Variants in ESRRG observed in about 807,000 individuals in gnomAD.
The protein encoded by ESRRG is estrogen-related receptor gamma.
A neutral mutation model predicts 44.0 loss-of-function variants in ESRRG; 13 were observed. The observed-to-expected ratio is 0.30, with a 90% confidence interval of 0.19 to 0.47. The LOEUF (loss-of-function observed/expected upper bound fraction) is 0.47, where lower values mean the gene tolerates loss of function less well. ESRRG is among the 20% of genes least tolerant of loss of function. ESRRG has a pLI of 1.00. For missense variants in ESRRG, 395 were observed against 580.6 expected, an observed-to-expected ratio of 0.68 and a Z score of 3.29; for synonymous variants, 215 against 214.6, an observed-to-expected ratio of 1.00 and a Z score of -0.02.
At chr1:216,737,007 C>T (rs2090035452) in intron 2 of ESRRG, among the ~76,000 whole-genome samples, 2 of 152,172 alleles carry the variant, frequency 1.3e-5, no homozygotes, top group African/African-American at 4.8e-5. Context: ...GTTTTTTAAA[C>T]TTCATGTTTC....
chr1:217,101,420 T>C lies in ESRRG; in HGVS notation c.-230+36247A>G, dbSNP rs139727354. ...CAGTTATTATTTTTGACACATGTGT[T>C]AATGATCCTTAAATCATTAATTCTA... is the stretch of plus-strand genomic sequence containing the variant. On this transcript the variant is annotated intron_variant, in intron 1 of 8. Transcript: ENST00000366940. 2.0e-5 allele frequency among the ~76,000 whole-genome samples: 3 copies of C among 152,240 alleles called. No individual in the cohort carries two copies. The East Asian group carries it at 5.8e-4, about 29-fold the overall frequency.
intron 1 of ESRRG, among the ~76,000 whole-genome samples, chr1:217,136,939 A>C (rs979436176): frequency 6.6e-6 from 1 of 152,134 alleles, no homozygotes; most frequent in African/African-American, 2.4e-5. Context: ...GACGCCAGGT[A>C]CCGGGAGAGG....
chr1:216,916,667 T>C (rs147894108), intron 2 of ESRRG, among the ~76,000 whole-genome samples: 1 of 151,984 alleles, frequency 6.6e-6, no homozygotes, highest in Non-Finnish European at 1.5e-5. Context: ...CATTTTCTTT[T>C]TCAGAATTCA....
rs914476589 is a variant in ESRRG at position 217,056,798 on chromosome 1, A to G, written c.-106+32709T>C. 4.6e-5 allele frequency among the ~76,000 whole-genome samples: 7 copies of G among 151,648 alleles called. 1 individual carries two copies. The East Asian group carries it at 1.4e-3, about 29-fold the overall frequency. On this transcript the variant is annotated intron_variant, in intron 1 of 7. Coordinates refer to the ESRRG transcript ENST00000359162. The stretch of plus-strand genomic sequence containing the variant: ...AAAGTTTCCTCTTGAACCCCAAAAT[A>G]CCAGTTAATGGGGCAAACCACCAAC...
rs796363914 is a variant in ESRRG, at chr1:216,506,728, G to C, written c.*211C>G. 7.7e-6 allele frequency: 5 copies of C among 646,936 alleles called. No homozygotes were observed. In the African/African-American group the frequency reaches 9.2e-5, roughly 12 times the overall value. 40.1% of individuals were successfully genotyped at this position (646,936 alleles called of 1,614,324 possible). On this transcript the variant is annotated 3_prime_UTR_variant, in exon 7 of 7. Transcript: ENST00000408911. ...AGAGAAAGAGAAATGTGGGAAGAAA[G>C]AGGAAAGAAGATGATGGAGAAAGTA...
chr1:216,641,175 C>CTCTG (rs2066345544), intron 3 of ESRRG, among the ~76,000 whole-genome samples: 1 of 152,184 alleles, frequency 6.6e-6, no homozygotes, highest in Non-Finnish European at 1.5e-5. Context: ...CAGCCTTTCT[C>CTCTG]TCTGTCCTCT....
chr1:216,866,043 G>T lies in ESRRG; in HGVS notation c.-14+73539C>A, dbSNP rs114377393. ...TTATAAACTGTGCTTGAAATAAGCT[G>T]CCCAGATATTTGTGTTAACACAGAA... On this transcript the variant is annotated intron_variant, in intron 2 of 7. Transcript: ENST00000359162. Among the ~76,000 whole-genome samples, 1,263 of 152,270 alleles carry T rather than the reference G, an allele frequency of 8.3e-3. 12 individuals carry two copies. Among genetic ancestry groups the T allele is most frequent in the Non-Finnish European group, 0.014 (931 of 68,014 alleles).
At chr1:217,024,066 T>C (rs2080788263) in intron 1 of ESRRG, among the ~76,000 whole-genome samples, 2 of 152,194 alleles carry the variant, frequency 1.3e-5, no homozygotes, top group African/African-American at 2.4e-5. Flanking sequence ...CAAATAAATT[T>C]AGAGCTGTAC....
At chr1:216,914,098 T>C (rs920557821) in intron 2 of ESRRG, among the ~76,000 whole-genome samples, 8 of 150,900 alleles carry the variant, frequency 5.3e-5, no homozygotes, top group East Asian at 3.9e-4. Flanking sequence ...TAGCTCCCCC[T>C]CCCCCCATCC....
chr1:216,874,653 C>T (rs1214302861), intron 2 of ESRRG, among the ~76,000 whole-genome samples: 1 of 151,812 alleles, frequency 6.6e-6, no homozygotes, highest in Non-Finnish European at 1.5e-5. Context: ...TATTGAGTGC[C>T]AACTCGATTT....
intron 5 of ESRRG, among the ~76,000 whole-genome samples, chr1:216,556,008 T>C (rs1053222684): frequency 2.6e-5 from 4 of 152,076 alleles, no homozygotes; most frequent in Admixed American, 6.6e-5. Context: ...ATTCTATGCA[T>C]CATGTTCTGC....
At chr1:217,121,410 T>C (rs539204767) in intron 1 of ESRRG, among the ~76,000 whole-genome samples, 1 of 152,224 alleles carries the variant, frequency 6.6e-6, no homozygotes, top group Admixed American at 6.5e-5. Flanking sequence ...ATTTGCATTT[T>C]AGAAAAATCA....
chr1:216,735,987 AATAT>A (rs1553555387), intron 2 of ESRRG, among the ~76,000 whole-genome samples: 6 of 137,110 alleles, frequency 4.4e-5, no homozygotes, highest in African/African-American at 1.6e-4. Flanking sequence ...CTCAAAAAAA[AATAT>A]ATATATATAT....
rs2040978581 is a variant in ESRRG at position 216,505,143 on chromosome 1, T to G, written c.*1796A>C. 1.3e-5 allele frequency: 2 copies of G among 152,668 alleles called. No individual in the cohort carries two copies. Among genetic ancestry groups the G allele is most frequent in the Non-Finnish European group, 2.9e-5 (2 of 68,042 alleles). The allele number at this position is 152,668 out of a possible 1,614,324, so 9.5% of individuals were successfully genotyped here. The stretch of plus-strand genomic sequence containing the variant: ...TACATCTGTGTACATAGAATAAGAC[T>G]GTTCACATAATACAGGGAGCAGCTA... On this transcript the variant is annotated 3_prime_UTR_variant, in exon 7 of 7. Transcript: ENST00000408911.
At chr1:216,876,004 G>T (rs2096346394) in intron 2 of ESRRG, among the ~76,000 whole-genome samples, 1 of 152,122 alleles carries the variant, frequency 6.6e-6, no homozygotes, top group Non-Finnish European at 1.5e-5. Context: ...ATGCTCCCTA[G>T]ACTTTTCTTA....
chr1:216,825,632 A>G (rs564328888), intron 2 of ESRRG, among the ~76,000 whole-genome samples: 9 of 152,032 alleles, frequency 5.9e-5, no homozygotes, highest in Non-Finnish European at 8.8e-5. Flanking sequence ...AATGCACAAG[A>G]CAAATAAGTT....
At chr1:217,110,380 G>T (rs944857657) in intron 1 of ESRRG, among the ~76,000 whole-genome samples, 3 of 152,120 alleles carry the variant, frequency 2.0e-5, no homozygotes, top group African/African-American at 7.2e-5. Context: ...CCTTCAGCTT[G>T]CTCACAACCA....
chr1:216,525,401 G>T (rs2047335510), intron 5 of ESRRG, among the ~76,000 whole-genome samples: 1 of 152,074 alleles, frequency 6.6e-6, no homozygotes, highest in African/African-American at 2.4e-5. Context: ...AATTCCCTTA[G>T]CTTTTCCCAA....
intron 1 of ESRRG, among the ~76,000 whole-genome samples, chr1:216,988,253 T>C (rs1416538): frequency 0.17 from 25,469 of 152,094 alleles, 2,814 homozygotes; most frequent in Admixed American, 0.29. Context: ...AACAGCATGA[T>C]TGCTTTCTGG....
Sources: gnomAD v4.1 joint callset for allele counts (sites outside exome capture counted in the v4.1 genomes callset) on GRCh38, gnomAD v4.1.1 for gene constraint, MANE v1.5 for transcripts, NCBI Gene and HGNC (gene_info 2026-07-23, HGNC 2026-07-21) for gene names.